The following FLRT1 variants were observed in gnomAD, a reference collection of about 807,000 sequenced individuals.
The protein encoded by FLRT1 is fibronectin leucine rich transmembrane protein 1.
A neutral mutation model predicts 30.9 loss-of-function variants in FLRT1; 14 were observed. The observed-to-expected ratio is 0.45, with a 90% CI of 0.30 to 0.71. The LOEUF is 0.71. Among genes scored for constraint, FLRT1 ranks in the 30% least tolerant of loss-of-function variants. FLRT1 has a pLI of 0.08. For missense variants in FLRT1, 737 were observed against 949.2 expected (o/e 0.78, Z 2.94); for synonymous variants, 368 against 430.4 (o/e 0.85, Z 1.80).
At chr11:64,058,468 G>A (rs1382250416) in intron 1 of FLRT1, among the ~76,000 whole-genome samples, 1 of 152,266 alleles carries the variant, frequency 6.6e-6, no homozygotes, top group Non-Finnish European at 1.5e-5. Flanking sequence ...CACCTGGGTG[G>A]GCGAAGAGCA....
rs1287172763 is a variant in FLRT1, at chr11:64,036,850, G to T, written c.-1038+691G>T. ...AGCTCTCAAGACAAGGAGGCGGCCC[G>T]ACCCGGCGGCGCACGCCCCTCCTCG... On this transcript the variant is annotated intron_variant, in intron 1 of 2. Coordinates refer to ENST00000682287, the MANE Select transcript of FLRT1 (RefSeq NM_013280.5). This position sits in a 1 kb window ranked among gnomAD's most constrained non-coding sequence, Gnocchi z 5.6. 6.6e-6 allele frequency among the ~76,000 whole-genome samples: 1 copy of T among 152,150 alleles called. No homozygotes were observed. The highest frequency in any genetic ancestry group is 2.1e-4 in the South Asian group (1 of 4,830).
At chr11:64,095,949 C>T (rs1944568531) in intron 1 of FLRT1, among the ~76,000 whole-genome samples, 2 of 145,554 alleles carry the variant, frequency 1.4e-5, no homozygotes, top group South Asian at 4.6e-4. Flanking sequence ...TCGCTTTCTC[C>T]CTGGGGAGTC....
intron 1 of FLRT1, among the ~76,000 whole-genome samples, chr11:64,073,923 G>C (rs1944154575): frequency 6.6e-6 from 1 of 152,182 alleles, no homozygotes; most frequent in African/African-American, 2.4e-5. Flanking sequence ...GGTTGGTTGG[G>C]CTGAAGGTCA....
At chr11:64,095,715 A>G (rs558292585) in intron 1 of FLRT1, among the ~76,000 whole-genome samples, 1 of 152,352 alleles carries the variant, frequency 6.6e-6, no homozygotes, top group East Asian at 1.9e-4. Context: ...GGGTTTCTAG[A>G]TGCAGCAGGC....
chr11:64,041,334 G>GC (rs899846411), intron 1 of FLRT1, among the ~76,000 whole-genome samples: 6 of 150,714 alleles, frequency 4.0e-5, no homozygotes, highest in African/African-American at 1.5e-4. Context: ...CATTCCTGCT[G>GC]CCCCCCACCC....
chr11:64,050,434 G>A (rs970802909), intron 1 of FLRT1, among the ~76,000 whole-genome samples: 1 of 152,216 alleles, frequency 6.6e-6, no homozygotes, highest in East Asian at 1.9e-4. Context: ...TGACAGTGGT[G>A]GGGACCCAGA....
At position 64,086,684 on chromosome 11, in the gene FLRT1, G is replaced by T. The variant is rs141117055; in HGVS notation, c.-1037-16510G>T. Among the ~76,000 whole-genome samples, 342 of 152,282 alleles carry T rather than the reference G, an allele frequency of 2.2e-3. 4 individuals are homozygous for T. Among genetic ancestry groups the T allele is most frequent in the African/African-American group, 7.4e-3 (307 of 41,540 alleles). Reference sequence around the variant, plus strand: ...TCCAGGGACTCACATCATGTGTTCAGGGAAGACAGAGAGGGGGAGAAGGGC... The same window carrying T: ...TCCAGGGACTCACATCATGTGTTCATGGAAGACAGAGAGGGGGAGAAGGGC... On this transcript the variant is annotated intron_variant, in intron 1 of 2. Coordinates refer to ENST00000682287, the MANE Select transcript of FLRT1 (RefSeq NM_013280.5).
intron 1 of FLRT1, among the ~76,000 whole-genome samples, chr11:64,049,420 G>A (rs1159221308): frequency 2.6e-5 from 4 of 152,146 alleles, no homozygotes; most frequent in Non-Finnish European, 5.9e-5. Flanking sequence ...CTTCCTGTGC[G>A]CTGGGCCCAG....
intron 1 of FLRT1, among the ~76,000 whole-genome samples, chr11:64,088,054 C>T (rs1029253982): frequency 3.9e-5 from 6 of 152,180 alleles, no homozygotes; most frequent in African/African-American, 1.4e-4. Flanking sequence ...GTCACTGGCT[C>T]TCTGGGCCTC....
In FLRT1 at chr11:64,097,169, G is replaced by A. The variant is rs574416600; in HGVS notation, c.-1037-6025G>A. Among the ~76,000 whole-genome samples, 23 of 152,328 alleles carry A rather than the reference G, an allele frequency of 1.5e-4. No individual in the cohort carries two copies. In the South Asian group the frequency reaches 3.9e-3, roughly 26 times the overall value. On this transcript the variant is annotated intron_variant, in intron 1 of 2. Transcript: ENST00000682287. The stretch of plus-strand genomic sequence containing the variant: ...TTCAGCTAGGGAACCCTCCCCCTCT[G>A]CAGCATCCTGAGCCTGGCAGAACTG...
chr11:64,081,112 C>T (rs1188254994), intron 1 of FLRT1, among the ~76,000 whole-genome samples: 1 of 152,190 alleles, frequency 6.6e-6, no homozygotes, highest in Non-Finnish European at 1.5e-5. Context: ...ACCTCCACCT[C>T]CCAGGTTCAG....
intron 2 of FLRT1, among the ~76,000 whole-genome samples, chr11:64,104,600 G>A (rs966671697): frequency 6.6e-6 from 1 of 152,108 alleles, no homozygotes; most frequent in Non-Finnish European, 1.5e-5. Flanking sequence ...TTGCCCTGGC[G>A]CCTGCTGCCC....
At chr11:64,055,640 C>T (rs969388634) in intron 1 of FLRT1, among the ~76,000 whole-genome samples, 2 of 152,204 alleles carry the variant, frequency 1.3e-5, no homozygotes, top group African/African-American at 4.8e-5. Context: ...GCTTCTATTC[C>T]CCGGGGCCTG....
chr11:64,084,418 G>A (rs1022734412), intron 1 of FLRT1, among the ~76,000 whole-genome samples: 6 of 152,064 alleles, frequency 3.9e-5, no homozygotes, highest in Non-Finnish European at 7.4e-5. Flanking sequence ...CCTTTCCCGC[G>A]AAGCCCCCTC....
chr11:64,063,754 G>A (rs1321561526), intron 1 of FLRT1, among the ~76,000 whole-genome samples: 1 of 152,164 alleles, frequency 6.6e-6, no homozygotes, highest in Non-Finnish European at 1.5e-5. Flanking sequence ...CGCGGTCCTC[G>A]CCCGGCTGTC....
intron 1 of FLRT1, among the ~76,000 whole-genome samples, chr11:64,097,532 G>A (rs1344153287): frequency 1.3e-5 from 2 of 152,250 alleles, no homozygotes. Context: ...CAGGCCCGCC[G>A]GCCGGGCGGC....
intron 1 of FLRT1, among the ~76,000 whole-genome samples, chr11:64,069,866 T>A (rs1944074969): frequency 6.6e-6 from 1 of 151,990 alleles, no homozygotes; most frequent in African/African-American, 2.4e-5. Flanking sequence ...AGAGAAAAAA[T>A]AGCCACGATG....
rs772300884 is a variant in FLRT1, at chr11:64,117,322, T to G, written c.1055T>G (p.Val352Gly). ...AAGGCACGGGCGGCCGTGGTCAACG[T>G]GCGGGGCCTCATGTGCCAGGGCCCT... ...WVKARAAVVN[V>G]RGLMCQGPEK... The change falls in exon 3 of 3, where the codon GTG (valine) becomes GGG (glycine). Residue 352 changes from valine to glycine, a missense_variant. By Grantham distance (109) the Val-to-Gly change is moderately radical. Transcript: ENST00000682287. 6 of 1,613,992 alleles carry G rather than the reference T, an allele frequency of 3.7e-6. No individual in the cohort carries two copies.
At chr11:64,065,885 T>C (rs1369220666) in intron 1 of FLRT1, among the ~76,000 whole-genome samples, 1 of 151,744 alleles carries the variant, frequency 6.6e-6, no homozygotes, top group African/African-American at 2.4e-5. Flanking sequence ...TTCACCCCAG[T>C]GCAGAGTGGT....
Sources: gnomAD v4.1 joint callset for allele counts (sites outside exome capture counted in the v4.1 genomes callset) on GRCh38, gnomAD v4.1.1 for gene constraint, Gnocchi (gnomAD v3.1) non-coding constraint, MANE v1.5 for transcripts, NCBI Gene and HGNC (gene_info 2026-07-23, HGNC 2026-07-21) for gene names.